CERT1: variants seen among roughly 807,000 people sequenced by gnomAD.
CERT1 encodes the protein ceramide transporter 1.
Under a neutral mutation model 87.9 loss-of-function variants are expected in CERT1, and 31 were observed. That is an observed-to-expected ratio of 0.35 (90% CI 0.27 to 0.48). The LOEUF (loss-of-function observed/expected upper bound fraction) is 0.48. Among genes scored for constraint, CERT1 ranks in the 20% least tolerant of loss-of-function variants. CERT1 has a pLI of 0.99. For missense variants in CERT1, 487 were observed against 758.0 expected (o/e 0.64, Z 4.20); for synonymous variants, 289 against 250.9 (o/e 1.15, Z -1.44).
chr5:75,370,343 C>G (rs1406819290), intron 17 of CERT1: 1 of 152,180 alleles, frequency 6.6e-6, no homozygotes, highest in Non-Finnish European at 1.5e-5. Context: ...CATAAATTAC[C>G]TGAGTGCAAC....
intron 2 of CERT1, among the ~76,000 whole-genome samples, chr5:75,485,947 A>G (rs572431232): frequency 2.6e-5 from 4 of 152,086 alleles, no homozygotes; most frequent in Non-Finnish European, 5.9e-5. Context: ...AACTAAACCA[A>G]TCCTACTCAA....
intron 3 of CERT1, among the ~76,000 whole-genome samples, chr5:75,457,255 G>T (rs555483700): frequency 2.6e-5 from 4 of 152,112 alleles, no homozygotes; most frequent in Non-Finnish European, 5.9e-5. Context: ...TGCCATAAAT[G>T]GGGAAATACA....
rs183573003 is a variant in CERT1 at position 75,483,472 on chromosome 5, C to T, written c.231+22510G>A. Among the ~76,000 whole-genome samples the T allele has an allele frequency of 1.6e-4, 24 of 151,972 alleles. No homozygotes were observed. In the East Asian group the frequency reaches 1.9e-3, roughly 12 times the overall value. Reference sequence around the variant, plus strand: ...TGAAGGTAGAAAGTTTGATTCAAAGCGATAACAACAGAGAAATTAACAAAC... The same window carrying T: ...TGAAGGTAGAAAGTTTGATTCAAAGTGATAACAACAGAGAAATTAACAAAC... On this transcript the variant is annotated intron_variant, in intron 2 of 16. Coordinates refer to ENST00000643780, the MANE Select transcript of CERT1 (RefSeq NM_001379029.1).
chr5:75,395,602 C>T (rs1762216412), intron 11 of CERT1, among the ~76,000 whole-genome samples: 1 of 151,008 alleles, frequency 6.6e-6, no homozygotes, highest in East Asian at 1.9e-4. Flanking sequence ...TGTCTCAGGC[C>T]TGTAATCCCA....
At chr5:75,407,100 TATTTA>T (rs1340217284) in intron 8 of CERT1, among the ~76,000 whole-genome samples, 1 of 152,180 alleles carries the variant, frequency 6.6e-6, no homozygotes, top group Non-Finnish European at 1.5e-5. Flanking sequence ...AAGAATTGTA[TATTTA>T]ATTTAACTTA....
chr5:75,457,915 TGTGTGTGTGTG>T (rs1188223380), intron 3 of CERT1, among the ~76,000 whole-genome samples: 2 of 149,150 alleles, frequency 1.3e-5, no homozygotes, highest in African/African-American at 2.5e-5. Context: ...CGCGCGTGTG[TGTGTGTGTGTG>T]GTGTGTGTGT....
chr5:75,481,024 CA>C (rs1265669402), intron 2 of CERT1, among the ~76,000 whole-genome samples: 1 of 152,182 alleles, frequency 6.6e-6, no homozygotes, highest in Admixed American at 6.5e-5. Context: ...TTGCACGGAT[CA>C]AATCACTCCT....
intron 7 of CERT1, among the ~76,000 whole-genome samples, chr5:75,413,145 G>C (rs1345793886): frequency 1.3e-5 from 2 of 151,802 alleles, no homozygotes; most frequent in African/African-American, 2.4e-5. Flanking sequence ...ACACACATTA[G>C]CCTAGGCCTA....
intron 2 of CERT1, among the ~76,000 whole-genome samples, chr5:75,488,058 G>T (rs1766607035): frequency 6.6e-6 from 1 of 152,036 alleles, no homozygotes; most frequent in East Asian, 1.9e-4. Flanking sequence ...CAGAGGCTGG[G>T]AAGATTAGAG....
intron 2 of CERT1, among the ~76,000 whole-genome samples, chr5:75,479,327 A>C (rs1766119806): frequency 6.6e-6 from 1 of 152,080 alleles, no homozygotes; most frequent in Non-Finnish European, 1.5e-5. Flanking sequence ...TTGGGGGTAC[A>C]TGTGAAGGTT....
chr5:75,478,397 A>G (rs1766073117), intron 2 of CERT1, among the ~76,000 whole-genome samples: 1 of 152,196 alleles, frequency 6.6e-6, no homozygotes, highest in Non-Finnish European at 1.5e-5. Flanking sequence ...GATATCTGAA[A>G]GCAAACGAGC....
chr5:75,435,593 GCTTT>G (rs1319270253), intron 3 of CERT1, among the ~76,000 whole-genome samples: 1 of 152,104 alleles, frequency 6.6e-6, no homozygotes, highest in Non-Finnish European at 1.5e-5. Context: ...TTTGGATAGG[GCTTT>G]CTTTTTTTAT....
intron 2 of CERT1, among the ~76,000 whole-genome samples, chr5:75,467,222 C>T (rs1449709443): frequency 6.6e-6 from 1 of 152,152 alleles, no homozygotes; most frequent in Non-Finnish European, 1.5e-5. Context: ...AAGCTATATA[C>T]TGTATGATTC....
At chr5:75,411,242 A>T (rs1762923466) in intron 7 of CERT1, 139 bp from the exon 8 acceptor site, 3 of 588,478 alleles carry the variant, frequency 5.1e-6, no homozygotes, top group Non-Finnish European at 8.9e-6. Context: ...GAAAAATAAG[A>T]GTATTATTCT....
At chr5:75,434,205 T>TA (rs57674013) in intron 3 of CERT1, among the ~76,000 whole-genome samples, 14 of 150,726 alleles carry the variant, frequency 9.3e-5, no homozygotes, top group African/African-American at 1.7e-4. Flanking sequence ...TTTTTTTTTT[T>TA]ATCATGAAGG....
chr5:75,386,937 G>A (rs901437178), intron 12 of CERT1, among the ~76,000 whole-genome samples: 2 of 152,040 alleles, frequency 1.3e-5, no homozygotes, highest in Admixed American at 6.6e-5. Flanking sequence ...GCGCCGTCTC[G>A]GCTCACTGCA....
At chr5:75,450,620 T>C (rs1398225345) in intron 3 of CERT1, among the ~76,000 whole-genome samples, 1 of 152,158 alleles carries the variant, frequency 6.6e-6, no homozygotes, top group East Asian at 1.9e-4. Context: ...CCTTCTACTG[T>C]TTCTGGTGAG....
intron 2 of CERT1, among the ~76,000 whole-genome samples, chr5:75,498,738 G>A (rs1032097582): frequency 2.6e-5 from 4 of 152,344 alleles, no homozygotes; most frequent in African/African-American, 9.6e-5. Flanking sequence ...ACCTCTGCTA[G>A]GGCAGTACAG....
intron 2 of CERT1, among the ~76,000 whole-genome samples, chr5:75,483,430 A>C (rs949764294): frequency 1.1e-4 from 16 of 152,048 alleles, no homozygotes; most frequent in South Asian, 2.1e-4. Context: ...GCCTTAAAGT[A>C]TAAATAGAGA....
Sources: allele counts gnomAD v4.1 joint callset (sites outside exome capture counted in the v4.1 genomes callset), GRCh38; gene constraint gnomAD v4.1.1; transcripts MANE v1.5; gene names NCBI Gene and HGNC (gene_info 2026-07-23, HGNC 2026-07-21).